The following ANKRD30A variants were observed in gnomAD, a reference collection of about 807,000 sequenced individuals.
ANKRD30A encodes the protein ankyrin repeat domain 30A.
Under a neutral mutation model 166.3 loss-of-function variants are expected in ANKRD30A, and 170 were observed. That is an observed-to-expected ratio of 1.02 (90% confidence interval 0.90 to 1.16). The LOEUF is 1.16. ANKRD30A is among the 50% of genes most tolerant of loss of function. The pLI is 0.00. For synonymous variants in ANKRD30A, 564 were observed against 508.9 expected, an observed-to-expected ratio of 1.11 and a Z score of -1.46; for missense variants, 1,630 against 1,518.0, an observed-to-expected ratio of 1.07 and a Z score of -1.23.
chr10:37,165,581 T>G (rs183175732), intron 18 of ANKRD30A, among the ~76,000 whole-genome samples: 1 of 152,078 alleles, frequency 6.6e-6, no homozygotes, highest in East Asian at 1.9e-4. Flanking sequence ...ACCTGAAAAT[T>G]TAATGCCTGG....
At chr10:37,161,086 T>G (rs1270813700) in intron 15 of ANKRD30A, among the ~76,000 whole-genome samples, 1 of 152,204 alleles carries the variant, frequency 6.6e-6, no homozygotes, top group East Asian at 1.9e-4. Flanking sequence ...ACCCTGTCTC[T>G]ACTAAAAATA....
At position 37,219,123 on chromosome 10, in the gene ANKRD30A, G is replaced by A; in HGVS notation, c.3411G>A (p.Lys1137=). 6.2e-7 allele frequency: 1 copy of A among 1,609,822 alleles called. No homozygotes were observed. The highest frequency in any genetic ancestry group is 8.5e-7 in the Non-Finnish European group (1 of 1,177,160). The change falls in exon 34 of 36, where the codon AAG becomes AAA. Residue 1137 remains lysine, a synonymous_variant. Transcript: ENST00000361713. ...EKENKYFEDI[K]ILKEKNAELQ... ...AAAATAAATACTTTGAGGACATTAA[G>A]ATTTTAAAAGAAAAGAATGCTGAAC...
chr10:37,126,033 G>C, intron 1 of ANKRD30A, 25 bp downstream of exon 1: 3 of 1,611,428 alleles, frequency 1.9e-6, no homozygotes, highest in Non-Finnish European at 2.5e-6. Context: ...CTGAGCCGGG[G>C]CTGCAGGAGG....
the ANKRD30A span, among the ~76,000 whole-genome samples, chr10:37,251,978 G>A: frequency 6.6e-6 from 1 of 152,118 alleles, no homozygotes; most frequent in Admixed American, 6.5e-5. Flanking sequence ...GTTAAAACTA[G>A]CATGTCACCT....
Position 37,142,570 on chromosome 10 carries a change from C to CTTT in ANKRD30A, c.1393+308_1393+310dup, listed in dbSNP as rs869026268. Among the ~76,000 whole-genome samples the CTTT allele has an allele frequency of 2.1e-3, 168 of 78,980 alleles. 12 individuals are homozygous for CTTT. Among genetic ancestry groups the CTTT allele is most frequent in the East Asian group, 2.7e-3 (6 of 2,252 alleles). 51.8% of individuals were successfully genotyped at this position (78,980 alleles called of 152,430 possible). A position where few individuals can be genotyped will look rare whatever the true frequency, so the allele number is the denominator to read the frequency against. ...GGTACAGGGATATCATAGGATCACA[C>CTTT]TTTTTTTTTTTTTTTTTTTTTTTTT... On this transcript the variant is annotated intron_variant, in intron 7 of 35. Coordinates refer to ENST00000361713, the MANE Select transcript of ANKRD30A (RefSeq NM_052997.3).
At chr10:37,191,926 C>T (rs1057363217) in intron 25 of ANKRD30A, among the ~76,000 whole-genome samples, 3 of 152,066 alleles carry the variant, frequency 2.0e-5, no homozygotes, top group South Asian at 2.1e-4. Flanking sequence ...ACCCGCGAGG[C>T]GGAGCTTGTG....
intron 27 of ANKRD30A, among the ~76,000 whole-genome samples, chr10:37,196,951 T>G (rs972883752): frequency 1.3e-5 from 2 of 152,158 alleles, no homozygotes; most frequent in Admixed American, 1.3e-4. Flanking sequence ...ATAATATAAG[T>G]GATTCTAATG....
chr10:37,166,940 A>G (rs1839399789), intron 19 of ANKRD30A, among the ~76,000 whole-genome samples: 1 of 152,162 alleles, frequency 6.6e-6, no homozygotes, highest in Non-Finnish European at 1.5e-5. Flanking sequence ...GGAAAATGAG[A>G]AAATAAGAAA....
At chr10:37,245,138 T>C in the ANKRD30A span, among the ~76,000 whole-genome samples, 4 of 152,306 alleles carry the variant, frequency 2.6e-5, no homozygotes, top group East Asian at 3.9e-4. Context: ...TTTTAAAAAA[T>C]TTCACATAGA....
At chr10:37,192,694 AT>A (rs1840701783) in intron 25 of ANKRD30A, among the ~76,000 whole-genome samples, 1 of 151,910 alleles carries the variant, frequency 6.6e-6, no homozygotes, top group African/African-American at 2.4e-5. Flanking sequence ...TAGCTTAGTC[AT>A]TTATTCTGTT....
chr10:37,253,730 C>T, the ANKRD30A span, among the ~76,000 whole-genome samples: 99 of 151,234 alleles, frequency 6.5e-4, no homozygotes, highest in Admixed American at 2.3e-3. Flanking sequence ...TCACTGCAAG[C>T]GCCACCTCCG....
chr10:37,242,399 T>A, the ANKRD30A span, among the ~76,000 whole-genome samples: 1 of 152,032 alleles, frequency 6.6e-6, no homozygotes, highest in African/African-American at 2.4e-5. Context: ...GAACATCTCC[T>A]CTGTCATGTT....
At chr10:37,145,498 A>G (rs527846501) in intron 8 of ANKRD30A, among the ~76,000 whole-genome samples, 2 of 152,182 alleles carry the variant, frequency 1.3e-5, no homozygotes, top group Admixed American at 6.5e-5. Flanking sequence ...TCTGTCTCCA[A>G]AAAAAGAAAT....
the ANKRD30A span, chr10:37,241,306 T>TA: frequency 6.6e-6 from 1 of 150,860 alleles, no homozygotes; most frequent in African/African-American, 2.4e-5. Context: ...TTATATAATA[T>TA]AAAAAATTGT....
intron 34 of ANKRD30A, among the ~76,000 whole-genome samples, chr10:37,227,486 T>A (rs1165522705): frequency 6.6e-6 from 1 of 152,016 alleles, no homozygotes; most frequent in Admixed American, 6.6e-5. Context: ...AAAACATTGA[T>A]CTCTCTATTC....
At chr10:37,205,693 T>C (rs1469753962) in intron 31 of ANKRD30A, among the ~76,000 whole-genome samples, 2 of 152,236 alleles carry the variant, frequency 1.3e-5, no homozygotes, top group Non-Finnish European at 2.9e-5. Context: ...TTATCTATTA[T>C]TGGTGAATAT....
At chr10:37,237,442 C>T (rs1843713100), downstream of ANKRD30A, among the ~76,000 whole-genome samples, 1 of 152,166 alleles carries the variant, frequency 6.6e-6, no homozygotes, top group South Asian at 2.1e-4. Flanking sequence ...GGCTCTGAAG[C>T]TGTGACTTCA....
In ANKRD30A at chr10:37,191,052, C is replaced by T. The variant is rs976276219; in HGVS notation, c.2512+1495C>T. Among the ~76,000 whole-genome samples, 9 of 151,630 alleles carry T rather than the reference C, an allele frequency of 5.9e-5. No homozygotes were observed. The East Asian group carries it at 9.7e-4, about 16-fold the overall frequency. ...CTTGAATACCTAAATTGTTGTTATT[C>T]GTAGGTATTTTACTGATTTTAACAT... is the stretch of plus-strand genomic sequence containing the variant. On this transcript the variant is annotated intron_variant, in intron 25 of 35. Transcript: ENST00000361713.
At chr10:37,193,009 G>A (rs1434031666) in intron 25 of ANKRD30A, 55 bp from the exon 26 acceptor site, 86 of 1,576,080 alleles carry the variant, frequency 5.5e-5, no homozygotes, top group Admixed American at 2.5e-4. Context: ...GTGAATGTTC[G>A]GTAGGCTTTG....
Sources: gnomAD v4.1 joint callset for allele counts (sites outside exome capture counted in the v4.1 genomes callset) on GRCh38, gnomAD v4.1.1 for gene constraint, MANE v1.5 for transcripts, NCBI Gene and HGNC (gene_info 2026-07-23, HGNC 2026-07-21) for gene names.